Variants in OSBPL10 observed in about 807,000 individuals in gnomAD.
OSBPL10 encodes the protein oxysterol-binding protein-related protein 10.
A neutral mutation model predicts 81.7 loss-of-function variants in OSBPL10; 49 were observed. The observed-to-expected ratio is 0.60, with a 90% CI of 0.48 to 0.76. The LOEUF (loss-of-function observed/expected upper bound fraction) is 0.76. Ranked by LOEUF, OSBPL10 falls within the 30% of genes least tolerant of loss-of-function variation. OSBPL10 has a pLI of 0.00. For synonymous variants in OSBPL10, 419 were observed against 383.6 expected (o/e 1.09, Z -1.08); for missense variants, 923 against 987.8 (o/e 0.93, Z 0.88).
chr3:31,935,359 CT>C (rs942966869), intron 1 of OSBPL10, among the ~76,000 whole-genome samples: 32 of 151,232 alleles, frequency 2.1e-4, no homozygotes, highest in Admixed American at 5.3e-4. Flanking sequence ...ACATGTTAAA[CT>C]TTTTTTTTAT....
chr3:31,831,812 T>A (rs1207984521), intron 3 of OSBPL10, among the ~76,000 whole-genome samples: 1 of 152,024 alleles, frequency 6.6e-6, no homozygotes, highest in Non-Finnish European at 1.5e-5. Flanking sequence ...AGAACAGCAA[T>A]CAGCAGACCC....
intron 7 of OSBPL10, among the ~76,000 whole-genome samples, chr3:31,699,255 C>G (rs1695820095): frequency 6.6e-6 from 1 of 152,186 alleles, no homozygotes; most frequent in South Asian, 2.1e-4. Flanking sequence ...TCCCATAGCC[C>G]TCAGGATCAA....
intron 3 of OSBPL10, among the ~76,000 whole-genome samples, chr3:31,837,674 C>A: frequency 6.7e-6 from 1 of 148,954 alleles, no homozygotes; most frequent in African/African-American, 2.5e-5. Context: ...ATCAATGGGT[C>A]TCACAATGTT....
At chr3:31,687,102 C>T (rs1034694499) in intron 7 of OSBPL10, among the ~76,000 whole-genome samples, 3 of 152,174 alleles carry the variant, frequency 2.0e-5, no homozygotes, top group African/African-American at 7.2e-5. Flanking sequence ...CATCCCTTCC[C>T]CAAGTGACTC....
At position 31,889,841 on chromosome 3, in the gene OSBPL10, A is replaced by C. The variant is rs1014258899; in HGVS notation, c.282-10011T>G. 2.0e-5 allele frequency among the ~76,000 whole-genome samples: 3 copies of C among 152,186 alleles called. No homozygotes were observed. In the East Asian group the frequency reaches 5.8e-4, roughly 29 times the overall value. On this transcript the variant is annotated intron_variant, in intron 1 of 11. Coordinates refer to ENST00000396556, the MANE Select transcript of OSBPL10 (RefSeq NM_017784.5). ...AAAGAAATGATAAATGTTTGAGATGATGGATATGCTAATTACCCTGATATG... is the reference window on the plus strand; with the variant it reads ...AAAGAAATGATAAATGTTTGAGATGCTGGATATGCTAATTACCCTGATATG...
intron 1 of OSBPL10, among the ~76,000 whole-genome samples, chr3:32,073,818 C>T (rs1283524134): frequency 2.0e-5 from 3 of 152,150 alleles, no homozygotes; most frequent in Admixed American, 2.0e-4. Context: ...TCTCCTGGTG[C>T]TATCCCCAAA....
intron 2 of OSBPL10, among the ~76,000 whole-genome samples, chr3:32,029,024 G>C (rs1015649259): frequency 2.0e-5 from 3 of 146,898 alleles, no homozygotes; most frequent in Non-Finnish European, 4.5e-5. Flanking sequence ...TGATGGTCAG[G>C]CTGTTGTTAA....
At chr3:31,937,294 G>A (rs866872757) in intron 1 of OSBPL10, among the ~76,000 whole-genome samples, 6 of 146,502 alleles carry the variant, frequency 4.1e-5, no homozygotes, top group East Asian at 4.1e-4. Flanking sequence ...AAAAAAAAAA[G>A]AAAGAAAGTC....
chr3:31,684,241 T>G (rs778909021), intron 7 of OSBPL10, 127 bp from the exon 8 acceptor site: 22 of 1,299,348 alleles, frequency 1.7e-5, no homozygotes, highest in Middle Eastern at 2.0e-4. Context: ...CAGTCTGTTT[T>G]GACTTGTGCA....
chr3:31,756,076 A>C (rs1697878637), intron 4 of OSBPL10, among the ~76,000 whole-genome samples: 1 of 152,336 alleles, frequency 6.6e-6, no homozygotes, highest in East Asian at 1.9e-4. Flanking sequence ...AACTTATCGT[A>C]CGGGTCTGTC....
chr3:31,755,723 CTTTTTCTGGT>C (rs1697869383), intron 4 of OSBPL10, among the ~76,000 whole-genome samples: 1 of 152,186 alleles, frequency 6.6e-6, no homozygotes, highest in Non-Finnish European at 1.5e-5. Flanking sequence ...ACATCCAAAG[CTTTTTCTGGT>C]CCTTCCATGG....
intron 1 of OSBPL10, among the ~76,000 whole-genome samples, chr3:31,923,457 T>G (rs1489627147): frequency 2.6e-5 from 4 of 152,172 alleles, no homozygotes; most frequent in African/African-American, 4.8e-5. Flanking sequence ...ACCAAAAAAC[T>G]GCCTCTTTTT....
At position 32,062,800 on chromosome 3, in the gene OSBPL10, A is replaced by G. The variant is rs1341447257; in HGVS notation, n.185+14596T>C. Among the ~76,000 whole-genome samples, 6 of 94,724 alleles carry G rather than the reference A, an allele frequency of 6.3e-5. 2 individuals are homozygous for G. Among genetic ancestry groups the G allele is most frequent in the African/African-American group, 1.6e-4 (6 of 36,748 alleles). 62.1% of individuals were successfully genotyped at this position (94,724 alleles called of 152,430 possible). On this transcript the variant is annotated intron_variant and non_coding_transcript_variant, in intron 1 of 3. Coordinates refer to the OSBPL10 transcript ENST00000479173. ...TCAATGTTCAAATCCTTAATCTCCT[A>G]TTTTTATCCCCCAACAGGTTTTGCA...
chr3:32,053,146 C>T lies in OSBPL10; in HGVS notation n.186-6543G>A, dbSNP rs187843716. Among the ~76,000 whole-genome samples, 161 of 151,384 alleles carry T rather than the reference C, an allele frequency of 1.1e-3. 1 individual carries two copies. Among genetic ancestry groups the T allele is most frequent in the African/African-American group, 3.9e-3 (159 of 40,792 alleles). On this transcript the variant is annotated intron_variant and non_coding_transcript_variant, in intron 1 of 3. Coordinates refer to the OSBPL10 transcript ENST00000479173. Reference sequence around the variant, plus strand: ...TACATAATTCTAATTGCTTGTTTACCAGGTTTTTCACCAAAAGTAAAAGTT... The same window carrying T: ...TACATAATTCTAATTGCTTGTTTACTAGGTTTTTCACCAAAAGTAAAAGTT...
At chr3:32,053,033 A>G (rs975256595) in intron 1 of OSBPL10, among the ~76,000 whole-genome samples, 1 of 152,196 alleles carries the variant, frequency 6.6e-6, no homozygotes, top group Admixed American at 6.6e-5. Context: ...GCCTGGGGAC[A>G]TGTGGAGTTA....
chr3:31,771,660 T>C (rs1267790583), intron 4 of OSBPL10, among the ~76,000 whole-genome samples: 1 of 152,202 alleles, frequency 6.6e-6, no homozygotes, highest in Admixed American at 6.5e-5. Context: ...CTAGATTAAG[T>C]AAATTTACTA....
chr3:31,690,029 A>G (rs1695481501), intron 7 of OSBPL10, among the ~76,000 whole-genome samples: 1 of 152,124 alleles, frequency 6.6e-6, no homozygotes, highest in Non-Finnish European at 1.5e-5. Context: ...AAGGGAGAAG[A>G]AATGCAAAGT....
chr3:31,880,382 C>G (rs1286666547), intron 1 of OSBPL10, among the ~76,000 whole-genome samples: 2 of 152,228 alleles, frequency 1.3e-5, no homozygotes, highest in Non-Finnish European at 2.9e-5. Flanking sequence ...CCCATTCACA[C>G]GAAGGCAAGG....
chr3:31,970,340 C>G (rs916992927), intron 1 of OSBPL10, among the ~76,000 whole-genome samples: 1 of 152,172 alleles, frequency 6.6e-6, no homozygotes, highest in Non-Finnish European at 1.5e-5. Context: ...TGGCCTTCAT[C>G]CCAGTCACCT....
Sources: allele counts gnomAD v4.1 joint callset (sites outside exome capture counted in the v4.1 genomes callset), GRCh38; gene constraint gnomAD v4.1.1; transcripts MANE v1.5; gene names NCBI Gene and HGNC (gene_info 2026-07-23, HGNC 2026-07-21).